Variants in DPP6 observed in about 807,000 individuals in gnomAD.
DPP6 encodes the protein A-type potassium channel modulatory protein DPP6.
In DPP6, 69 loss-of-function variants were observed where a neutral mutation model predicts 122.6. The observed-to-expected ratio is 0.56, with a 90% CI of 0.46 to 0.69. DPP6 has a LOEUF of 0.69. Among genes scored for constraint, DPP6 ranks in the 30% least tolerant of loss-of-function variants. The pLI, the probability that DPP6 is intolerant of heterozygous loss-of-function variation, is 0.00. For missense variants in DPP6, 928 were observed against 1,116.9 expected, an observed-to-expected ratio of 0.83 and a Z score of 2.41; for synonymous variants, 418 against 433.1, an observed-to-expected ratio of 0.97 and a Z score of 0.43.
chr7:154,572,153 A>C (rs909087569), intron 5 of DPP6, among the ~76,000 whole-genome samples: 8 of 152,234 alleles, frequency 5.3e-5, no homozygotes, highest in African/African-American at 1.9e-4. Flanking sequence ...ATATTTGATA[A>C]ATTTCTACTA....
chr7:154,305,208 G>T (rs1806214953), intron 1 of DPP6: 10 of 1,136,388 alleles, frequency 8.8e-6, no homozygotes, highest in Non-Finnish European at 1.1e-5. Context: ...TTGCTAAGCA[G>T]TTATCATTGT....
At chr7:154,284,041 G>T (rs142886801) in intron 1 of DPP6, among the ~76,000 whole-genome samples, 1 of 152,084 alleles carries the variant, frequency 6.6e-6, no homozygotes, top group African/African-American at 2.4e-5. Flanking sequence ...TTAGATAAGC[G>T]TGGTGAGAAT....
In DPP6 at chr7:154,269,519, G is replaced by C. The variant is rs770755200; in HGVS notation, c.244-176695G>C. Among the ~76,000 whole-genome samples the C allele has an allele frequency of 8.5e-5, 13 of 152,276 alleles. No homozygotes were observed. The South Asian group carries it at 1.0e-3, about 12-fold the overall frequency. The stretch of plus-strand genomic sequence containing the variant: ...CCATCCCAGTAGGTTTAGCCACACA[G>C]AGCCCATGAGAACAAGCTTTGCACT... On this transcript the variant is annotated intron_variant, in intron 1 of 25. Transcript: ENST00000377770.
At chr7:154,331,315 T>C (rs1368714686) in intron 1 of DPP6, among the ~76,000 whole-genome samples, 1 of 152,198 alleles carries the variant, frequency 6.6e-6, no homozygotes, top group East Asian at 1.9e-4. Context: ...GGATGTAAGA[T>C]TTATTTTTCT....
chr7:154,117,744 C>G (rs971057832), intron 1 of DPP6, among the ~76,000 whole-genome samples: 7 of 151,200 alleles, frequency 4.6e-5, no homozygotes, highest in African/African-American at 1.7e-4. Context: ...TCTGATGTGC[C>G]CAGTGGTGTG....
At chr7:153,830,344 A>G in the DPP6 span, among the ~76,000 whole-genome samples, 2 of 152,212 alleles carry the variant, frequency 1.3e-5, no homozygotes, top group African/African-American at 4.8e-5. Flanking sequence ...ATTATTTACC[A>G]TAGCAAAACC....
chr7:154,337,579 G>C (rs1221223864), intron 1 of DPP6, among the ~76,000 whole-genome samples: 5 of 152,146 alleles, frequency 3.3e-5, no homozygotes. Context: ...TGTCATTTCT[G>C]AGTCTTCAAA....
Position 154,618,575 on chromosome 7 carries a change from C to T in DPP6, c.628-19246C>T, listed in dbSNP as rs1834423248. Among the ~76,000 whole-genome samples the T allele has an allele frequency of 6.6e-6, 1 of 152,172 alleles. No individual in the cohort carries two copies. Among genetic ancestry groups the T allele is most frequent in the African/African-American group, 2.4e-5 (1 of 41,436 alleles). ...GCCCTGCATTTTCCTCATATGAAAG[C>T]AGAAACCCACAGAGTTTATGATGTG... On this transcript the variant is annotated intron_variant, in intron 5 of 25. Coordinates refer to ENST00000377770, the MANE Select transcript of DPP6 (RefSeq NM_130797.4). The surrounding 1 kb of genome is among the most constrained non-coding windows in gnomAD (Gnocchi z 4.1).
At chr7:154,332,907 T>C (rs892876141) in intron 1 of DPP6, among the ~76,000 whole-genome samples, 4 of 152,168 alleles carry the variant, frequency 2.6e-5, no homozygotes, top group African/African-American at 9.7e-5. Flanking sequence ...GAGTAGAAAG[T>C]TCTTGCCTTG....
chr7:153,806,098 G>A, the DPP6 span, among the ~76,000 whole-genome samples: 4 of 151,804 alleles, frequency 2.6e-5, no homozygotes, highest in African/African-American at 7.3e-5. Flanking sequence ...GAAGTGTTTG[G>A]CAGCTCAGGA....
chr7:154,451,933 A>C (rs1820416396), intron 2 of DPP6, among the ~76,000 whole-genome samples: 1 of 152,180 alleles, frequency 6.6e-6, no homozygotes. Flanking sequence ...CTGCTCCCGC[A>C]CCGAGGCCTG....
In DPP6 at chr7:154,408,768, GTT is replaced by G. The variant is rs201284135; in HGVS notation, c.244-37435_244-37434del. 1.5e-3 allele frequency among the ~76,000 whole-genome samples: 216 copies of G among 142,104 alleles called. 1 individual carries two copies. The highest frequency in any genetic ancestry group is 5.3e-3 in the African/African-American group (205 of 38,868). 93.2% of individuals were successfully genotyped at this position (142,104 alleles called of 152,430 possible). On this transcript the variant is annotated intron_variant, in intron 1 of 25. Transcript: ENST00000377770. ...TATGACAGTTTCTCAGTCTTCCCCTGTTTTTTTTTTTTCTGACCTTGAATCAT... is the reference window on the plus strand; with the variant it reads ...TATGACAGTTTCTCAGTCTTCCCCTGTTTTTTTTTTCTGACCTTGAATCAT...
chr7:154,264,100 C>T (rs1461649024), intron 1 of DPP6, among the ~76,000 whole-genome samples: 1 of 152,176 alleles, frequency 6.6e-6, no homozygotes, highest in African/African-American at 2.4e-5. Context: ...TCTTCTTTAA[C>T]ACAATTAAAG....
At chr7:153,888,468 C>A (rs1328080640) in intron 1 of DPP6, among the ~76,000 whole-genome samples, 1 of 152,174 alleles carries the variant, frequency 6.6e-6, no homozygotes, top group Non-Finnish European at 1.5e-5. Flanking sequence ...GCGAGCCCAC[C>A]CGCCTCGCCG....
At chr7:153,983,903 G>A (rs970643188) in intron 1 of DPP6, among the ~76,000 whole-genome samples, 11 of 151,944 alleles carry the variant, frequency 7.2e-5, no homozygotes, top group Admixed American at 1.3e-4. Flanking sequence ...CCAGTGAGAC[G>A]GACTGTGTAC....
intron 7 of DPP6, among the ~76,000 whole-genome samples, chr7:154,691,243 T>A (rs11773244): frequency 2.6e-5 from 4 of 152,068 alleles, no homozygotes; most frequent in Admixed American, 6.5e-5. Flanking sequence ...GACATTGCTC[T>A]GTTTTCAATT....
At chr7:154,619,136 C>G (rs59312126) in intron 5 of DPP6, among the ~76,000 whole-genome samples, 7,361 of 152,244 alleles carry the variant, frequency 0.048, 210 homozygotes, top group Middle Eastern at 0.11. Flanking sequence ...GGAACTGTGA[C>G]TCCATTAAAC....
intron 1 of DPP6, among the ~76,000 whole-genome samples, chr7:154,243,101 T>C (rs892595120): frequency 3.9e-5 from 6 of 152,306 alleles, no homozygotes; most frequent in African/African-American, 1.4e-4. Flanking sequence ...AAGCCTGGTA[T>C]GACCAAAAAG....
At chr7:154,506,102 A>G (rs1356837338) in intron 3 of DPP6, among the ~76,000 whole-genome samples, 1 of 152,104 alleles carries the variant, frequency 6.6e-6, no homozygotes, top group African/African-American at 2.4e-5. Flanking sequence ...TTTAATTGCC[A>G]AGATTTGAAA....
Sources: gnomAD v4.1 joint callset for allele counts (sites outside exome capture counted in the v4.1 genomes callset) on GRCh38, gnomAD v4.1.1 for gene constraint, Gnocchi (gnomAD v3.1) non-coding constraint, MANE v1.5 for transcripts, NCBI Gene and HGNC (gene_info 2026-07-23, HGNC 2026-07-21) for gene names.